CDH19: variants seen among roughly 807,000 people sequenced by gnomAD.
CDH19 encodes the protein cadherin 19, also known as cadherin-19.
A neutral mutation model predicts 64.2 loss-of-function variants in CDH19; 67 were observed. The observed-to-expected ratio is 1.04, with a 90% CI of 0.86 to 1.28. CDH19 has a LOEUF of 1.28. CDH19 is among the 50% of genes most tolerant of loss of function. The pLI, the probability that CDH19 is intolerant of heterozygous loss-of-function variation, is 0.00. For missense variants in CDH19, 1,030 were observed against 929.0 expected, an observed-to-expected ratio of 1.11 and a Z score of -1.41; for synonymous variants, 346 against 319.3, an observed-to-expected ratio of 1.08 and a Z score of -0.89.
At chr18:66,588,600 C>A (rs1988643940) in intron 1 of CDH19, among the ~76,000 whole-genome samples, 1 of 109,700 alleles carries the variant, frequency 9.1e-6, no homozygotes, top group Admixed American at 9.7e-5. Flanking sequence ...CTCATTTTTA[C>A]TAATCATATA....
At position 66,505,174 on chromosome 18, in the gene CDH19, C is replaced by T. The variant is rs751599227; in HGVS notation, c.1957G>A (p.Ala653Thr). Residue 653 changes from alanine (A) to threonine (T), a missense_variant, in exon 12 of 12, where the codon GCC becomes ACC. Coordinates refer to ENST00000262150, the MANE Select transcript of CDH19 (RefSeq NM_021153.4). ...DEGGGEEDTE[A>T]FDIAELRSST... The stretch of plus-strand genomic sequence containing the variant: ...CTCCTCAGCTCTGCTATATCAAAGG[C>T]CTCTGTATCTTCTTCTCCACCCCCT... The T allele has an allele frequency of 1.9e-5, 31 of 1,613,202 alleles. No homozygotes were observed. The South Asian group carries it at 3.3e-4, about 17-fold the overall frequency.
At chr18:66,550,960 G>T in intron 5 of CDH19, 134 bp downstream of exon 5, 1 of 514,066 alleles carries the variant, frequency 1.9e-6, no homozygotes, top group Non-Finnish European at 3.4e-6. Flanking sequence ...AATCATACCA[G>T]AACAATTGAC....
At chr18:66,585,668 G>T (rs956072273) in intron 1 of CDH19, among the ~76,000 whole-genome samples, 1 of 151,984 alleles carries the variant, frequency 6.6e-6, no homozygotes, top group African/African-American at 2.4e-5. Flanking sequence ...TCTCAAGGTC[G>T]AAATATTCAG....
intron 9 of CDH19, among the ~76,000 whole-genome samples, chr18:66,524,542 G>GTGTA (rs74173408): frequency 4.9e-4 from 46 of 94,574 alleles, no homozygotes; most frequent in African/African-American, 1.0e-3. Flanking sequence ...ATGTTTGTGT[G>GTGTA]TATATATATA....
chr18:66,533,073 T>C (rs1242718936), intron 8 of CDH19, among the ~76,000 whole-genome samples: 2 of 152,114 alleles, frequency 1.3e-5, no homozygotes, highest in Non-Finnish European at 2.9e-5. Flanking sequence ...AATTTTTCTC[T>C]CTGTTCTACC....
intron 4 of CDH19, 119 bp from the exon 5 acceptor site, chr18:66,551,377 C>CA (rs2144514609): frequency 1.6e-6 from 1 of 637,586 alleles, no homozygotes; most frequent in Admixed American, 2.9e-5. Flanking sequence ...TGCAATGTGA[C>CA]AGAGACTTCA....
chr18:66,582,243 A>G (rs1259946988), intron 1 of CDH19, among the ~76,000 whole-genome samples: 2 of 152,080 alleles, frequency 1.3e-5, no homozygotes, highest in Non-Finnish European at 2.9e-5. Context: ...GTCAAGTAAA[A>G]AAAATAAGTC....
chr18:66,535,038 C>T lies in CDH19; in HGVS notation c.1284G>A (p.Leu428=). 1 of 1,522,538 alleles carries T rather than the reference C, an allele frequency of 6.6e-7. No individual in the cohort carries two copies. Among genetic ancestry groups the T allele is most frequent in the Non-Finnish European group, 8.9e-7 (1 of 1,119,784 alleles). 94.3% of individuals were successfully genotyped at this position (1,522,538 alleles called of 1,614,324 possible). A position where few individuals can be genotyped will look rare whatever the true frequency, so the allele number is the denominator to read the frequency against. ...TGTACCAAGCACTGATTTCACGATC[C>T]AGTGAGTTACTTGTAGTGATTGTAC... ...DNGTITTSNS[L]DREISAWYNL... Residue 428 remains leucine, a synonymous_variant, in exon 8 of 12, where the codon CTG becomes CTA. Coordinates refer to ENST00000262150, the MANE Select transcript of CDH19 (RefSeq NM_021153.4).
chr18:66,561,772 TAATTA>T (rs910030462), intron 3 of CDH19, among the ~76,000 whole-genome samples: 14 of 152,226 alleles, frequency 9.2e-5, no homozygotes, highest in Middle Eastern at 3.4e-3. Flanking sequence ...AATCATACTT[TAATTA>T]GAGTAGCTTA....
At chr18:66,507,568 G>A (rs761586462) in intron 11 of CDH19, among the ~76,000 whole-genome samples, 1 of 151,592 alleles carries the variant, frequency 6.6e-6, no homozygotes, top group African/African-American at 2.4e-5. Flanking sequence ...AGACCTTTTG[G>A]TGTTCAGCTG....
chr18:66,584,718 T>C, intron 1 of CDH19, among the ~76,000 whole-genome samples: 1 of 152,118 alleles, frequency 6.6e-6, no homozygotes, highest in East Asian at 1.9e-4. Flanking sequence ...TTATGCAGTC[T>C]GATTTTAACT....
At chr18:66,529,020 T>A (rs1986331314) in intron 9 of CDH19, among the ~76,000 whole-genome samples, 1 of 152,000 alleles carries the variant, frequency 6.6e-6, no homozygotes. Context: ...GATAATTATA[T>A]TAGTTTATTA....
intron 1 of CDH19, 78 bp downstream of exon 1, chr18:66,603,876 G>C (rs565635769): frequency 1.3e-5 from 2 of 151,968 alleles, no homozygotes; most frequent in African/African-American, 4.8e-5. Flanking sequence ...GCAACATTTT[G>C]TCATGTACTT....
chr18:66,594,651 T>C (rs1292591841), intron 1 of CDH19, among the ~76,000 whole-genome samples: 2 of 151,778 alleles, frequency 1.3e-5, no homozygotes, highest in Admixed American at 6.6e-5. Flanking sequence ...GTGGCACATA[T>C]ACACCATGGA....
intron 9 of CDH19, among the ~76,000 whole-genome samples, chr18:66,527,047 ATGTGTG>A (rs71169151): frequency 1.7e-3 from 248 of 144,996 alleles, no homozygotes; most frequent in African/African-American, 5.9e-3. Flanking sequence ...ATATATATAT[ATGTGTG>A]TGTGTGTGTG....
intron 1 of CDH19, among the ~76,000 whole-genome samples, chr18:66,596,949 G>A (rs1227500166): frequency 1.4e-5 from 2 of 147,762 alleles, no homozygotes; most frequent in Non-Finnish European, 3.0e-5. Context: ...GGGCGTAGTG[G>A]CGGGCGCCTG....
chr18:66,526,773 T>C (rs917741599), intron 9 of CDH19, among the ~76,000 whole-genome samples: 8 of 151,994 alleles, frequency 5.3e-5, no homozygotes, highest in African/African-American at 1.9e-4. Flanking sequence ...AAAGATTGTG[T>C]ATTGAAAGTT....
intron 11 of CDH19, among the ~76,000 whole-genome samples, chr18:66,507,325 A>G (rs566383416): frequency 1.3e-5 from 2 of 152,014 alleles, no homozygotes; most frequent in African/African-American, 2.4e-5. Context: ...CTTGAGAAAG[A>G]TAAGTTAAGT....
chr18:66,529,679 G>T lies in CDH19; in HGVS notation c.1458+166C>A, dbSNP rs536652824. 1.0e-4 allele frequency among the ~76,000 whole-genome samples: 15 copies of T among 146,524 alleles called. No homozygotes were observed. In the East Asian group the frequency reaches 2.4e-3, roughly 23 times the overall value. ...TATATATATAATTTGTATATATATT[G>T]AATATAATATAATATAGAATTACAA... On this transcript the variant is annotated intron_variant, in intron 9 of 11. Transcript: ENST00000262150.
Sources: gnomAD v4.1 joint callset for allele counts (sites outside exome capture counted in the v4.1 genomes callset) on GRCh38, gnomAD v4.1.1 for gene constraint, MANE v1.5 for transcripts, NCBI Gene and HGNC (gene_info 2026-07-23, HGNC 2026-07-21) for gene names.